ITGA9: variants seen among roughly 807,000 people sequenced by gnomAD.
ITGA9 encodes integrin alpha-9.
In ITGA9, 56 loss-of-function variants were observed where a neutral mutation model predicts 127.8. That is an observed-to-expected ratio of 0.44 (90% CI 0.35 to 0.55). The LOEUF is 0.55. Among genes scored for constraint, ITGA9 ranks in the 20% least tolerant of loss-of-function variants. The pLI is 0.00. For missense variants in ITGA9, 1,196 were observed against 1,347.1 expected (o/e 0.89, Z 1.76); for synonymous variants, 508 against 514.5 (o/e 0.99, Z 0.17).
At chr3:37,528,494 G>T (rs567989265) in intron 13 of ITGA9, among the ~76,000 whole-genome samples, 2 of 152,326 alleles carry the variant, frequency 1.3e-5, no homozygotes, top group East Asian at 1.9e-4. Context: ...CATGACAGCT[G>T]TAGAGTAGCA....
chr3:37,498,674 G>A (rs150432334), intron 5 of ITGA9, among the ~76,000 whole-genome samples: 21 of 152,330 alleles, frequency 1.4e-4, no homozygotes, highest in African/African-American at 4.8e-4. Flanking sequence ...CAGAGTGTCC[G>A]GGGAGGGTGG....
chr3:37,462,968 T>C (rs547020507), intron 1 of ITGA9, among the ~76,000 whole-genome samples: 1 of 152,302 alleles, frequency 6.6e-6, no homozygotes, highest in Non-Finnish European at 1.5e-5. Flanking sequence ...CTCCTGGGTG[T>C]GACTTCGGAT....
At chr3:37,708,470 T>G (rs951443758) in intron 18 of ITGA9, among the ~76,000 whole-genome samples, 9 of 152,170 alleles carry the variant, frequency 5.9e-5, no homozygotes, top group African/African-American at 2.2e-4. Context: ...AGAGTGGGCG[T>G]TTTTGCAAAC....
At chr3:37,787,929 A>G (rs1279044339) in intron 26 of ITGA9, among the ~76,000 whole-genome samples, 2 of 152,262 alleles carry the variant, frequency 1.3e-5, no homozygotes, top group African/African-American at 2.4e-5. Context: ...TAACTGATGG[A>G]GAAATCAAGC....
rs531768260 is a variant in ITGA9 at position 37,629,134 on chromosome 3, AC to A, written c.1690-52del. ...GTCTTTGTAAACTGTGAAATGCTCT[AC>A]GACTGTCAGCCAGGATTAGTAGTTA... On this transcript the variant is annotated intron_variant, in intron 15 of 27. Coordinates refer to ENST00000264741, the MANE Select transcript of ITGA9 (RefSeq NM_002207.3). The surrounding 1 kb of genome is among the most constrained non-coding windows in gnomAD (Gnocchi z 4.5). 1,117 of 1,605,114 alleles carry A rather than the reference AC, an allele frequency of 7.0e-4. 1 individual carries two copies. The highest frequency in any genetic ancestry group is 9.8e-4 in the South Asian group (89 of 90,790).
At chr3:37,530,815 G>A (rs1173615708) in intron 13 of ITGA9, among the ~76,000 whole-genome samples, 5 of 140,054 alleles carry the variant, frequency 3.6e-5, no homozygotes, top group African/African-American at 1.1e-4. Context: ...GCAGTGGCGC[G>A]ATCTTGGCTC....
intron 17 of ITGA9, among the ~76,000 whole-genome samples, chr3:37,673,931 A>G (rs1415533621): frequency 6.6e-6 from 1 of 152,212 alleles, no homozygotes; most frequent in Non-Finnish European, 1.5e-5. Flanking sequence ...ATACATATTC[A>G]TGAAATGAGT....
At chr3:37,536,673 C>T (rs1699211294) in intron 14 of ITGA9, among the ~76,000 whole-genome samples, 2 of 152,326 alleles carry the variant, frequency 1.3e-5, no homozygotes, top group South Asian at 4.1e-4. Context: ...TGGGAGTGTT[C>T]AGGACCAGCT....
At chr3:37,626,216 A>G (rs998998037) in intron 15 of ITGA9, among the ~76,000 whole-genome samples, 12 of 152,272 alleles carry the variant, frequency 7.9e-5, no homozygotes, top group African/African-American at 2.6e-4. Flanking sequence ...ATTTTTTAGG[A>G]TGATGTCAGA....
chr3:37,684,048 G>T lies in ITGA9; in HGVS notation c.2067+33G>T, dbSNP rs1223281901. Reference sequence around the variant, plus strand: ...GGGCATCCCTGTAAAAAGAGCAGTTGTTCCATCTGGTGCGCTTGCTGACTT... The same window carrying T: ...GGGCATCCCTGTAAAAAGAGCAGTTTTTCCATCTGGTGCGCTTGCTGACTT... On this transcript the variant is annotated intron_variant, in intron 18 of 27. Transcript: ENST00000264741. The T allele has an allele frequency of 5.0e-6, 8 of 1,588,910 alleles. No individual in the cohort carries two copies. In the African/African-American group the frequency reaches 9.4e-5, roughly 19 times the overall value.
intron 5 of ITGA9, among the ~76,000 whole-genome samples, chr3:37,502,194 G>C (rs1579068515): frequency 6.7e-6 from 1 of 149,566 alleles, no homozygotes; most frequent in African/African-American, 2.5e-5. Context: ...AGACAGCTGT[G>C]CCTCTTATGT....
chr3:37,689,649 C>T (rs1700812834), intron 18 of ITGA9, among the ~76,000 whole-genome samples: 1 of 152,344 alleles, frequency 6.6e-6, no homozygotes, highest in Non-Finnish European at 1.5e-5. Flanking sequence ...CTGCATCACA[C>T]CAGGGTCACC....
At chr3:37,607,670 G>GT (rs1194886012) in intron 15 of ITGA9, among the ~76,000 whole-genome samples, 1 of 152,146 alleles carries the variant, frequency 6.6e-6, no homozygotes, top group African/African-American at 2.4e-5. Flanking sequence ...CAGTAGCTTG[G>GT]TTTTTTTGCA....
At chr3:37,471,302 TG>T (rs1450227795) in intron 2 of ITGA9, among the ~76,000 whole-genome samples, 168 bp downstream of exon 2, 7 of 152,082 alleles carry the variant, frequency 4.6e-5, no homozygotes, top group Non-Finnish European at 1.0e-4. Context: ...TATTAAGCAC[TG>T]GGATACACCA....
At chr3:37,791,667 C>A (rs1195033590) in intron 26 of ITGA9, among the ~76,000 whole-genome samples, 1 of 152,162 alleles carries the variant, frequency 6.6e-6, no homozygotes, top group Non-Finnish European at 1.5e-5. Context: ...GCATGAAGCT[C>A]CTAGAAGAAG....
intron 9 of ITGA9, among the ~76,000 whole-genome samples, chr3:37,514,510 G>A (rs546460046): frequency 1.3e-5 from 2 of 152,090 alleles, no homozygotes; most frequent in Non-Finnish European, 2.9e-5. Context: ...GGTGTGAGGT[G>A]GCATCACCAC....
At chr3:37,537,385 C>T (rs1394055881) in intron 14 of ITGA9, among the ~76,000 whole-genome samples, 6 of 152,180 alleles carry the variant, frequency 3.9e-5, no homozygotes, top group Non-Finnish European at 8.8e-5. Flanking sequence ...TTAGCAGAGC[C>T]TCACAGCAAG....
intron 19 of ITGA9, among the ~76,000 whole-genome samples, chr3:37,734,624 G>T (rs1241243627): frequency 6.6e-6 from 1 of 152,104 alleles, no homozygotes; most frequent in Non-Finnish European, 1.5e-5. Context: ...CTGGTAGCTG[G>T]GATTACAGGT....
chr3:37,719,592 TA>T (rs760793923), intron 18 of ITGA9, among the ~76,000 whole-genome samples: 4 of 152,212 alleles, frequency 2.6e-5, no homozygotes, highest in Admixed American at 1.3e-4. Context: ...CAGTTCGCCA[TA>T]GGCGAACTGT....
Sources: allele counts gnomAD v4.1 joint callset (sites outside exome capture counted in the v4.1 genomes callset), GRCh38; gene constraint gnomAD v4.1.1; non-coding constraint Gnocchi (gnomAD v3.1); transcripts MANE v1.5; gene names NCBI Gene and HGNC (gene_info 2026-07-23, HGNC 2026-07-21).